Variants in ARHGEF11 observed in about 807,000 individuals in gnomAD.
ARHGEF11 encodes the protein Rho guanine exchange factor (GEF) 11.
ARHGEF11 carries 55 observed loss-of-function variants against 193.7 expected under a neutral mutation model. The observed-to-expected ratio is 0.28, with a 90% CI of 0.23 to 0.36. ARHGEF11 has a LOEUF of 0.36. Ranked by LOEUF, ARHGEF11 falls within the 10% of genes least tolerant of loss-of-function variation. The pLI is 1.00. For synonymous variants in ARHGEF11, 693 were observed against 768.0 expected, an observed-to-expected ratio of 0.90 and a Z score of 1.62; for missense variants, 1,723 against 2,005.6, an observed-to-expected ratio of 0.86 and a Z score of 2.69.
chr1:156,942,261 C>T (rs936281540), intron 33 of ARHGEF11, among the ~76,000 whole-genome samples: 1 of 152,248 alleles, frequency 6.6e-6, no homozygotes, highest in African/African-American at 2.4e-5. Context: ...GCATTAGCCA[C>T]ATTTTACAGA....
intron 1 of ARHGEF11, among the ~76,000 whole-genome samples, chr1:157,000,852 G>A (rs779466834): frequency 6.6e-6 from 1 of 152,184 alleles, no homozygotes; most frequent in Non-Finnish European, 1.5e-5. Context: ...AGCTGTAATG[G>A]GGGGCAGAAG....
Position 156,971,776 on chromosome 1 carries a change from A to G in ARHGEF11, c.623T>C (p.Leu208Pro), listed in dbSNP as rs570384430. The change falls in exon 8 of 41, where the codon CTG becomes CCG. Residue 208 changes from leucine to proline, a missense_variant. This residue lies in a region of ARHGEF11 where 646 missense variants were observed against 710.7 expected (regional missense o/e 0.91). Coordinates refer to ENST00000368194, the MANE Select transcript of ARHGEF11 (RefSeq NM_198236.3). Reference sequence around the variant, plus strand: ...CCGGGCACCTTCGATCTGCTCTTCCAGTAGGCTGGCGGGGTTCCGGCTATA... The same window carrying G: ...CCGGGCACCTTCGATCTGCTCTTCCGGTAGGCTGGCGGGGTTCCGGCTATA... ...EVYSRNPASL[L>P]EEQIEGARRR... 6.2e-7 allele frequency: 1 copy of G among 1,613,932 alleles called. No homozygotes were observed. The highest frequency in any genetic ancestry group is 1.7e-5 in the Admixed American group (1 of 60,018).
chr1:157,035,474 C>T (rs1031532949), intron 1 of ARHGEF11, among the ~76,000 whole-genome samples: 3 of 151,412 alleles, frequency 2.0e-5, no homozygotes, highest in African/African-American at 7.3e-5. Context: ...GGCGCAATCT[C>T]GGCTCACCGC....
In ARHGEF11 at chr1:156,935,708, G is replaced by A. The variant is rs1416070840; in HGVS notation, c.*292C>T. ...GCGTGCGCGTGTACACACATATGTG[G>A]GGTGAGGGCAGACCATGGTGAGTGG... On this transcript the variant is annotated 3_prime_UTR_variant, in exon 41 of 41. Coordinates refer to ENST00000368194, the MANE Select transcript of ARHGEF11 (RefSeq NM_198236.3). 1 of 412,856 alleles carries A rather than the reference G, an allele frequency of 2.4e-6. No homozygotes were observed. The highest frequency in any genetic ancestry group is 4.4e-6 in the Non-Finnish European group (1 of 229,590). The allele number at this position is 412,856 out of a possible 1,614,324, so 25.6% of individuals were successfully genotyped here.
At chr1:156,955,483 A>G (rs1449016471) in intron 20 of ARHGEF11, among the ~76,000 whole-genome samples, 1 of 152,160 alleles carries the variant, frequency 6.6e-6, no homozygotes, top group Non-Finnish European at 1.5e-5. Context: ...TTCCTAGACT[A>G]AGACCCAGGG....
intron 7 of ARHGEF11, among the ~76,000 whole-genome samples, chr1:156,972,620 T>G (rs916087973): frequency 6.6e-6 from 1 of 152,238 alleles, no homozygotes; most frequent in African/African-American, 2.4e-5. Context: ...TAGGCTCATC[T>G]GGGGCTTCAC....
intron 1 of ARHGEF11, among the ~76,000 whole-genome samples, chr1:156,990,057 C>A (rs1262404452): frequency 6.6e-6 from 1 of 152,196 alleles, no homozygotes; most frequent in Non-Finnish European, 1.5e-5. Flanking sequence ...TTATTAAGTT[C>A]TTTGTAGCTA....
At chr1:156,999,339 A>T (rs1666932911) in intron 1 of ARHGEF11, among the ~76,000 whole-genome samples, 1 of 152,152 alleles carries the variant, frequency 6.6e-6, no homozygotes, top group South Asian at 2.1e-4. Flanking sequence ...AGTGTGTCTG[A>T]TACCAAAGTC....
intron 1 of ARHGEF11, among the ~76,000 whole-genome samples, chr1:157,022,697 T>C (rs1358279918): frequency 6.6e-6 from 1 of 152,130 alleles, no homozygotes; most frequent in Non-Finnish European, 1.5e-5. Flanking sequence ...GAAATATAAG[T>C]GACCCAGAAC....
At chr1:157,028,427 G>A (rs1007590928) in intron 1 of ARHGEF11, among the ~76,000 whole-genome samples, 7 of 152,120 alleles carry the variant, frequency 4.6e-5, no homozygotes, top group South Asian at 2.1e-4. Flanking sequence ...AAAAACAGGC[G>A]TAGAAAGGTT....
rs1188463700 is a variant in ARHGEF11, at chr1:156,959,940, C to A, written c.1282+478G>T. On this transcript the variant is annotated intron_variant, in intron 15 of 40. Transcript: ENST00000368194. ...ACAAAAATAACCCCCCCTCCCCCCC[C>A]CCCAAAAAAAACAATAAGAAAAACC... Among the ~76,000 whole-genome samples the A allele has an allele frequency of 9.8e-5, 11 of 112,720 alleles. 2 individuals carry two copies. The highest frequency in any genetic ancestry group is 2.3e-4 in the African/African-American group (7 of 30,422). The allele number at this position is 112,720 out of a possible 152,430, so 73.9% of individuals were successfully genotyped here.
rs549601021 is a variant in ARHGEF11 at position 156,937,079 on chromosome 1, G to C, written c.4441-74C>G. ...GGCCCCTGGGGAAGGGGTCTGTGCT[G>C]GGCCTTGGGGAGGAGGGTGTGATTT... On this transcript the variant is annotated intron_variant, in intron 39 of 40. Coordinates refer to ENST00000368194, the MANE Select transcript of ARHGEF11 (RefSeq NM_198236.3). 4.4e-6 allele frequency: 7 copies of C among 1,576,044 alleles called. No individual in the cohort carries two copies. In the Admixed American group the frequency reaches 1.2e-4, roughly 28 times the overall value.
chr1:157,008,802 C>T (rs1437372058), intron 1 of ARHGEF11, among the ~76,000 whole-genome samples: 1 of 152,210 alleles, frequency 6.6e-6, no homozygotes, highest in Non-Finnish European at 1.5e-5. Context: ...ATCTCTATCT[C>T]ACCCTTCATT....
In ARHGEF11 at chr1:156,963,254, G is replaced by T. The variant is rs1263786967; in HGVS notation, c.1089C>A (p.His363Gln). 1.2e-6 allele frequency: 2 copies of T among 1,614,082 alleles called. No homozygotes were observed. Among genetic ancestry groups the T allele is most frequent in the African/African-American group, 1.3e-5 (1 of 74,928 alleles). The change falls in exon 13 of 41, where the codon CAC (histidine) becomes CAA (glutamine). Residue 363 changes from histidine (H) to glutamine (Q), a missense_variant. His to Gln is a conservative substitution (Grantham distance 24, BLOSUM62 0). This residue lies in a region of ARHGEF11 where 646 missense variants were observed against 710.7 expected (regional missense o/e 0.91). Coordinates refer to ENST00000368194, the MANE Select transcript of ARHGEF11 (RefSeq NM_198236.3). ...DLEKLKSRPAHLGVFLRYIFS... is the reference protein window; with the variant it reads ...DLEKLKSRPAQLGVFLRYIFS... ...AGATGTAACGTAGAAAAACCCCCAGGTGAGCTGGCCGAGACTTCAGTTTCT... is the reference window on the plus strand; with the variant it reads ...AGATGTAACGTAGAAAAACCCCCAGTTGAGCTGGCCGAGACTTCAGTTTCT...
At chr1:157,001,391 C>T (rs949173703) in intron 1 of ARHGEF11, among the ~76,000 whole-genome samples, 6 of 152,198 alleles carry the variant, frequency 3.9e-5, no homozygotes, top group Non-Finnish European at 7.3e-5. Flanking sequence ...TTCCAGTAGC[C>T]AGATCCCTGC....
At chr1:156,961,831 C>A in intron 13 of ARHGEF11, 56 bp from the exon 14 acceptor site, 1 of 1,518,906 alleles carries the variant, frequency 6.6e-7, no homozygotes, top group Non-Finnish European at 9.1e-7. Flanking sequence ...AGTGATTTTG[C>A]CCCCTAGGGG....
intron 30 of ARHGEF11, 114 bp from the exon 31 acceptor site, chr1:156,944,547 A>T: frequency 1.8e-6 from 2 of 1,141,916 alleles, no homozygotes; most frequent in South Asian, 2.7e-5. Flanking sequence ...TAAATAAGAA[A>T]AAGTCCTTGC....
Position 156,943,998 on chromosome 1 carries a change from TGTCTGAGGAGCCCACAGCA to T in ARHGEF11, c.3153_3171del (p.Val1053SerfsTer44). 1 of 1,614,214 alleles carries T rather than the reference TGTCTGAGGAGCCCACAGCA, an allele frequency of 6.2e-7. No homozygotes were observed. Among genetic ancestry groups the T allele is most frequent in the Non-Finnish European group, 8.5e-7 (1 of 1,180,026 alleles). On this transcript the variant is annotated frameshift_variant, in exon 32 of 41. Coordinates refer to ENST00000368194, the MANE Select transcript of ARHGEF11 (RefSeq NM_198236.3). LOFTEE classifies it high-confidence loss of function. The stretch of plus-strand genomic sequence containing the variant: ...AGCACGGGGCTGAAGGTCTGCTTGC[TGTCTGAGGAGCCCACAGCA>T]GTCTTGCTGTGGCACTTCAGCAATA...
At position 156,956,411 on chromosome 1, in the gene ARHGEF11, G is replaced by A. The variant is rs770762461; in HGVS notation, c.1671+9C>T. 3.3e-5 allele frequency: 54 copies of A among 1,613,780 alleles called. No homozygotes were observed. Among genetic ancestry groups the A allele is most frequent in the East Asian group, 2.5e-4 (11 of 44,886 alleles). On this transcript the variant is annotated intron_variant, in intron 19 of 40. Transcript: ENST00000368194. ...ATTACAGGCATGAGCCACCATGCCC[G>A]GCCCTCACCTTCTTGGTCTTAGGGA...
Sources: allele counts gnomAD v4.1 joint callset (sites outside exome capture counted in the v4.1 genomes callset), GRCh38; gene constraint gnomAD v4.1.1; regional missense constraint gnomAD v4.1.1; transcripts MANE v1.5; gene names NCBI Gene and HGNC (gene_info 2026-07-23, HGNC 2026-07-21).